Variants in ABLIM2 observed in about 807,000 individuals in gnomAD.
ABLIM2 encodes the protein actin-binding LIM protein 2.
ABLIM2 carries 53 observed loss-of-function variants against 97.7 expected under a neutral mutation model. The ratio of observed to expected loss-of-function variants is 0.54; its 90% CI spans 0.44 to 0.68. ABLIM2 has a LOEUF of 0.68. ABLIM2 is among the 30% of genes least tolerant of loss of function. The pLI is 0.00. For missense variants in ABLIM2, 835 were observed against 867.2 expected (o/e 0.96, Z 0.47); for synonymous variants, 361 against 345.8 (o/e 1.04, Z -0.49).
intron 6 of ABLIM2, among the ~76,000 whole-genome samples, chr4:8,070,526 G>A (rs1197032255): frequency 1.3e-5 from 2 of 152,098 alleles, no homozygotes; most frequent in African/African-American, 2.4e-5. Flanking sequence ...TCCCAGTGAC[G>A]AGAGTCATCC....
At position 7,992,824 on chromosome 4, in the gene ABLIM2, C is replaced by T; in HGVS notation, c.1680+42G>A. 7 of 1,596,944 alleles carry T rather than the reference C, an allele frequency of 4.4e-6. No homozygotes were observed. Among genetic ancestry groups the T allele is most frequent in the Non-Finnish European group, 6.0e-6 (7 of 1,168,276 alleles). ...GTGGGAAACGTGCTCAGCCTCACAG[C>T]AATCGTTAGTACCCTGTGGCCAGGG... On this transcript the variant is annotated intron_variant, in intron 17 of 20. Coordinates refer to ENST00000447017, the MANE Select transcript of ABLIM2 (RefSeq NM_001130083.2). The surrounding 1 kb of genome is among the most constrained non-coding windows in gnomAD (Gnocchi z 5.7).
Position 8,087,769 on chromosome 4 carries a change from CAGTGGGCATTAGATGGGAAAGCAGG to C in ABLIM2, c.454+375_454+399del, listed in dbSNP as rs1824687692. Among the ~76,000 whole-genome samples, 2 of 151,764 alleles carry C rather than the reference CAGTGGGCATTAGATGGGAAAGCAGG, an allele frequency of 1.3e-5. No homozygotes were observed. Among genetic ancestry groups the C allele is most frequent in the African/African-American group, 4.8e-5 (2 of 41,304 alleles). On this transcript the variant is annotated intron_variant, in intron 4 of 20. Transcript: ENST00000447017. This position sits in a 1 kb window ranked among gnomAD's most constrained non-coding sequence, Gnocchi z 4.6. The stretch of plus-strand genomic sequence containing the variant: ...CAGTGGGCATTAGATGGGAAAGCAG[CAGTGGGCATTAGATGGGAAAGCAGG>C]AGTGGCACATGGGGTGGAGGAAACA...
At chr4:8,103,043 C>T (rs997698953) in intron 2 of ABLIM2, among the ~76,000 whole-genome samples, 2 of 152,220 alleles carry the variant, frequency 1.3e-5, no homozygotes, top group African/African-American at 2.4e-5. Flanking sequence ...GGAGCAACGG[C>T]AGCCATCTGA....
rs547706149 is a variant in ABLIM2, at chr4:8,061,886, C to T, written c.676-832G>A. 6.6e-6 allele frequency among the ~76,000 whole-genome samples: 1 copy of T among 152,296 alleles called. No individual in the cohort carries two copies. The highest frequency in any genetic ancestry group is 2.1e-4 in the South Asian group (1 of 4,830). On this transcript the variant is annotated intron_variant, in intron 6 of 20. Coordinates refer to ENST00000447017, the MANE Select transcript of ABLIM2 (RefSeq NM_001130083.2). This position sits in a 1 kb window ranked among gnomAD's most constrained non-coding sequence, Gnocchi z 4.5. Reference sequence around the variant, plus strand: ...AGGGCTGAAATGTCATTTTGAGCATCCCGTTTTCCCTGTCCTGTGCCTTCC... The same window carrying T: ...AGGGCTGAAATGTCATTTTGAGCATTCCGTTTTCCCTGTCCTGTGCCTTCC...
chr4:8,006,276 AC>A (rs1761244440), intron 16 of ABLIM2, among the ~76,000 whole-genome samples: 1 of 151,640 alleles, frequency 6.6e-6, no homozygotes, highest in Middle Eastern at 3.4e-3. Context: ...CCCACACAGC[AC>A]CCCCCTCTCT....
chr4:8,027,852 T>G lies in ABLIM2; in HGVS notation c.1174A>C (p.Thr392Pro). 1 of 1,590,554 alleles carries G rather than the reference T, an allele frequency of 6.3e-7. No individual in the cohort carries two copies. Among genetic ancestry groups the G allele is most frequent in the Non-Finnish European group, 8.6e-7 (1 of 1,169,390 alleles). ...SPQHYSRPAGTVSVGTSSCLS... is the reference protein window; with the variant it reads ...SPQHYSRPAGPVSVGTSSCLS... ...CAGCTACTGGTACCCACACTCACAGTACCAGCTACGGGGTAACAGAGAGCA... is the reference window on the plus strand; with the variant it reads ...CAGCTACTGGTACCCACACTCACAGGACCAGCTACGGGGTAACAGAGAGCA... The change falls in exon 12 of 21, where the codon ACT (threonine) becomes CCT (proline). Residue 392 changes from threonine (T) to proline (P), a missense_variant. Transcript: ENST00000447017.
intron 1 of ABLIM2, among the ~76,000 whole-genome samples, chr4:8,110,646 G>C (rs534512645): frequency 6.6e-6 from 1 of 150,688 alleles, no homozygotes; most frequent in South Asian, 2.1e-4. Flanking sequence ...AATATACTTG[G>C]TCGGGGGTGG....
intron 20 of ABLIM2, among the ~76,000 whole-genome samples, chr4:7,971,150 CT>C (rs1727667697): frequency 6.6e-6 from 1 of 152,158 alleles, no homozygotes; most frequent in Admixed American, 6.5e-5. Context: ...GGTCCTTACT[CT>C]GTGGCCAGCT....
chr4:8,057,558 T>C (rs1410808610), intron 7 of ABLIM2, among the ~76,000 whole-genome samples: 2 of 152,228 alleles, frequency 1.3e-5, no homozygotes, highest in African/African-American at 4.8e-5. Flanking sequence ...CCCTACTAGC[T>C]GCATAAGAGG....
At chr4:8,131,702 A>G (rs1408504743) in intron 1 of ABLIM2, among the ~76,000 whole-genome samples, 6 of 94,020 alleles carry the variant, frequency 6.4e-5, no homozygotes, top group Admixed American at 1.0e-4. Flanking sequence ...TCCCCAGCAC[A>G]GCAGCCCGCA....
At chr4:7,989,546 T>C (rs1463811942) in intron 17 of ABLIM2, 1 of 412,466 alleles carries the variant, frequency 2.4e-6, no homozygotes. Flanking sequence ...TTTTATACTA[T>C]TAATTTTATT....
In ABLIM2 at chr4:8,097,145, G is replaced by C; in HGVS notation, c.292C>G (p.Leu98Val). 6.2e-7 allele frequency: 1 copy of C among 1,611,606 alleles called. No homozygotes were observed. The highest frequency in any genetic ancestry group is 8.5e-7 in the Non-Finnish European group (1 of 1,179,122). Residue 98 changes from leucine to valine, a missense_variant, in exon 3 of 21, where the codon CTG becomes GTG. Physicochemically the swap from Leu to Val is conservative, Grantham distance 32. Coordinates refer to ENST00000447017, the MANE Select transcript of ABLIM2 (RefSeq NM_001130083.2). ...CAGTCGGGGTGGTAGGTCTTGCCCA[G>C]CGCCGACACCACCTCACCCTCAATG... ...QFIEGEVVSA[L>V]GKTYHPDCFV... is the part of the protein sequence containing the mutation.
rs778892378 is a variant in ABLIM2 at position 8,005,292 on chromosome 4, A to C, written c.1618+2767T>G. The C allele has an allele frequency of 3.8e-6, 2 of 526,980 alleles. No homozygotes were observed. The highest frequency in any genetic ancestry group is 7.8e-6 in the Non-Finnish European group (2 of 255,114). The allele number at this position is 526,980 out of a possible 1,614,324, so 32.6% of individuals were successfully genotyped here. ...CTCTGTCCCCCTCGGCGCCCCGCTC[A>C]GCGTCTGGCACAGAGTGGGTGCTCA... On this transcript the variant is annotated intron_variant, in intron 16 of 20. Coordinates refer to ENST00000447017, the MANE Select transcript of ABLIM2 (RefSeq NM_001130083.2). This position sits in a 1 kb window ranked among gnomAD's most constrained non-coding sequence, Gnocchi z 4.9.
rs1727010779 is a variant in ABLIM2, at chr4:7,970,540, G to C, written c.1825-3437C>G. ...TGGGGAAGGAGAGAAGGGCAGGCTT[G>C]AGGATGACACCATGTGCTCCAGGCT... On this transcript the variant is annotated intron_variant, in intron 20 of 20. Coordinates refer to ENST00000447017, the MANE Select transcript of ABLIM2 (RefSeq NM_001130083.2). This position sits in a 1 kb window ranked among gnomAD's most constrained non-coding sequence, Gnocchi z 5.3. Among the ~76,000 whole-genome samples the C allele has an allele frequency of 6.6e-6, 1 of 151,970 alleles. No individual in the cohort carries two copies. Among genetic ancestry groups the C allele is most frequent in the Non-Finnish European group, 1.5e-5 (1 of 67,970 alleles).
rs1409114274 is a variant in ABLIM2, at chr4:8,130,764, T to A, written c.11-24127A>T. Among the ~76,000 whole-genome samples, 1 of 152,070 alleles carries A rather than the reference T, an allele frequency of 6.6e-6. No homozygotes were observed. Among genetic ancestry groups the A allele is most frequent in the Non-Finnish European group, 1.5e-5 (1 of 68,002 alleles). On this transcript the variant is annotated intron_variant, in intron 1 of 20. Coordinates refer to ENST00000447017, the MANE Select transcript of ABLIM2 (RefSeq NM_001130083.2). The surrounding 1 kb of genome is among the most constrained non-coding windows in gnomAD (Gnocchi z 4.2). ...GAGAGACGGTCTGGGCAGAGAGCAG[T>A]ACAACAAGGACAGGAATACAAAATC... is the stretch of plus-strand genomic sequence containing the variant.
Position 8,127,525 on chromosome 4 carries a change from A to G in ABLIM2, c.11-20888T>C, listed in dbSNP as rs1223342920. 7.8e-7 allele frequency: 1 copy of G among 1,289,674 alleles called. No individual in the cohort carries two copies. The highest frequency in any genetic ancestry group is 1.0e-6 in the Non-Finnish European group (1 of 988,828). 79.9% of individuals were successfully genotyped at this position (1,289,674 alleles called of 1,614,324 possible). A position where few individuals can be genotyped will look rare whatever the true frequency, so the allele number is the denominator to read the frequency against. On this transcript the variant is annotated intron_variant, in intron 1 of 20. Transcript: ENST00000447017. The surrounding 1 kb of genome is among the most constrained non-coding windows in gnomAD (Gnocchi z 7.3). ...GGCTCCCAGCCGGATGGTCTGGGCA[A>G]AAGCGCAGTTTGGGGATTTACCTGT... is the stretch of plus-strand genomic sequence containing the variant.
chr4:8,076,562 G>A (rs1816130700), intron 6 of ABLIM2, among the ~76,000 whole-genome samples: 1 of 151,978 alleles, frequency 6.6e-6, no homozygotes, highest in Non-Finnish European at 1.5e-5. Flanking sequence ...CCAGAGGCCA[G>A]CTCCTGCAAC....
Position 7,998,181 on chromosome 4 carries a change from G to A in ABLIM2, c.1619-5254C>T, listed in dbSNP as rs900527936. 2.6e-5 allele frequency among the ~76,000 whole-genome samples: 4 copies of A among 151,948 alleles called. No homozygotes were observed. In the South Asian group the frequency reaches 6.3e-4, roughly 24 times the overall value. On this transcript the variant is annotated intron_variant, in intron 16 of 20. Coordinates refer to ENST00000447017, the MANE Select transcript of ABLIM2 (RefSeq NM_001130083.2). The surrounding 1 kb of genome is among the most constrained non-coding windows in gnomAD (Gnocchi z 6.4). ...GATTACAGGTGTGAGCCACTGCGCC[G>A]GGCCTTCTGCTGTCTTTTTTCATTC...
rs887720947 is a variant in ABLIM2 at position 8,061,744 on chromosome 4, T to C, written c.676-690A>G. Among the ~76,000 whole-genome samples the C allele has an allele frequency of 2.0e-5, 3 of 151,924 alleles. No individual in the cohort carries two copies. Among genetic ancestry groups the C allele is most frequent in the Non-Finnish European group, 4.4e-5 (3 of 67,988 alleles). Reference sequence around the variant, plus strand: ...CTGAGGGCACGGCGGGTGCAGCCTATTGCTAAATGTGGATGCTAAATCCCC... The same window carrying C: ...CTGAGGGCACGGCGGGTGCAGCCTACTGCTAAATGTGGATGCTAAATCCCC... On this transcript the variant is annotated intron_variant, in intron 6 of 20. Transcript: ENST00000447017. This position sits in a 1 kb window ranked among gnomAD's most constrained non-coding sequence, Gnocchi z 4.5.
Sources: gnomAD v4.1 joint callset for allele counts (sites outside exome capture counted in the v4.1 genomes callset) on GRCh38, gnomAD v4.1.1 for gene constraint, Gnocchi (gnomAD v3.1) non-coding constraint, MANE v1.5 for transcripts, NCBI Gene and HGNC (gene_info 2026-07-23, HGNC 2026-07-21) for gene names.